AFF3: variants seen among roughly 807,000 people sequenced by gnomAD.
AFF3 encodes ALF transcription elongation factor 3, also known as AF4/FMR2 family member 3.
AFF3 carries 32 observed loss-of-function variants against 129.7 expected under a neutral mutation model. That is an observed-to-expected ratio of 0.25 (90% CI 0.19 to 0.33). AFF3 has a LOEUF of 0.33. Ranked by LOEUF, AFF3 falls within the 10% of genes least tolerant of loss-of-function variation. AFF3 has a pLI of 1.00. For missense variants in AFF3, 1,373 were observed against 1,592.0 expected, an observed-to-expected ratio of 0.86 and a Z score of 2.34; for synonymous variants, 644 against 635.4, an observed-to-expected ratio of 1.01 and a Z score of -0.20.
intron 7 of AFF3, among the ~76,000 whole-genome samples, chr2:99,843,999 C>T (rs182248857): frequency 1.3e-5 from 2 of 151,936 alleles, no homozygotes; most frequent in Non-Finnish European, 2.9e-5. Context: ...CACTGCACTC[C>T]AGCCTGGATG....
chr2:99,998,192 T>G (rs1400413779), intron 7 of AFF3, among the ~76,000 whole-genome samples: 1 of 152,150 alleles, frequency 6.6e-6, no homozygotes, highest in African/African-American at 2.4e-5. Context: ...TCATCAAAGA[T>G]GGATGAAAAT....
intron 18 of AFF3, among the ~76,000 whole-genome samples, chr2:99,576,694 G>C (rs1677033283): frequency 6.6e-6 from 1 of 152,176 alleles, no homozygotes; most frequent in South Asian, 2.1e-4. Context: ...CCCACTGCAA[G>C]TATGCGGTGG....
At position 100,034,123 on chromosome 2, in the gene AFF3, T is replaced by C. The variant is rs919870126; in HGVS notation, c.54-25191A>G. ...GCAAGTAGCTTAAAAACTGACATAT[T>C]AGCATTGACAAAAGGATTGCTCTAT... On this transcript the variant is annotated intron_variant, in intron 4 of 24. Transcript: ENST00000672756. Among the ~76,000 whole-genome samples the C allele has an allele frequency of 3.3e-5, 5 of 152,208 alleles. No individual in the cohort carries two copies. In the South Asian group the frequency reaches 1.0e-3, roughly 31 times the overall value.
chr2:99,696,301 T>TA (rs1438970148), intron 11 of AFF3, among the ~76,000 whole-genome samples: 1 of 152,194 alleles, frequency 6.6e-6, no homozygotes, highest in Non-Finnish European at 1.5e-5. Context: ...CATGGCACGT[T>TA]AGAGCATCAA....
intron 4 of AFF3, among the ~76,000 whole-genome samples, chr2:100,087,468 T>G (rs1288912459): frequency 2.0e-5 from 3 of 152,066 alleles, no homozygotes; most frequent in African/African-American, 7.2e-5. Context: ...TGAGAATTTC[T>G]TAAGCAGGTG....
At chr2:99,874,185 C>T (rs28391205) in intron 7 of AFF3, among the ~76,000 whole-genome samples, 1 of 151,962 alleles carries the variant, frequency 6.6e-6, no homozygotes, top group African/African-American at 2.4e-5. Flanking sequence ...TCAAAAAAAA[C>T]AAAAAACTCT....
intron 11 of AFF3, among the ~76,000 whole-genome samples, chr2:99,723,496 T>C (rs17435971): frequency 0.011 from 1,740 of 152,280 alleles, 8 homozygotes; most frequent in Middle Eastern, 0.024. Flanking sequence ...CACCACACCA[T>C]GAATATGAGA....
chr2:99,757,406 G>C (rs1682202375), intron 8 of AFF3, among the ~76,000 whole-genome samples: 1 of 152,116 alleles, frequency 6.6e-6, no homozygotes, highest in Non-Finnish European at 1.5e-5. Flanking sequence ...AGCATACCTG[G>C]AGTTATGCCA....
In AFF3 at chr2:99,930,301, A is replaced by C. The variant is rs140909515; in HGVS notation, c.873+76331T>G. Reference sequence around the variant, plus strand: ...TCCAAGAAATGTGAATTCCAAGGACAAGGTAGCCCTGAAATGCCTGCCTCA... The same window carrying C: ...TCCAAGAAATGTGAATTCCAAGGACCAGGTAGCCCTGAAATGCCTGCCTCA... On this transcript the variant is annotated intron_variant, in intron 7 of 24. Transcript: ENST00000672756. Among the ~76,000 whole-genome samples the C allele has an allele frequency of 5.9e-5, 9 of 152,288 alleles. 1 individual carries two copies. In the East Asian group the frequency reaches 1.7e-3, roughly 29 times the overall value.
intron 11 of AFF3, among the ~76,000 whole-genome samples, chr2:99,687,425 G>A (rs1257705555): frequency 6.6e-6 from 1 of 152,182 alleles, no homozygotes; most frequent in African/African-American, 2.4e-5. Context: ...TTTATCAAAT[G>A]AGCCAGGTGG....
intron 7 of AFF3, among the ~76,000 whole-genome samples, chr2:99,937,405 T>G (rs1674614864): frequency 1.3e-5 from 2 of 152,160 alleles, no homozygotes; most frequent in East Asian, 1.9e-4. Flanking sequence ...TGAAGGATTT[T>G]TTTTTCTTTT....
intron 13 of AFF3, among the ~76,000 whole-genome samples, chr2:99,612,136 A>C (rs139003246): frequency 0.011 from 1,751 of 152,266 alleles, 20 homozygotes; most frequent in South Asian, 0.03. Flanking sequence ...TTTTATATGT[A>C]ACATCCATGG....
chr2:99,938,670 C>T (rs1674746321), intron 7 of AFF3, among the ~76,000 whole-genome samples: 1 of 152,126 alleles, frequency 6.6e-6, no homozygotes, highest in Admixed American at 6.5e-5. Context: ...GACTGAGGCC[C>T]TCAGGGAAGA....
chr2:100,029,893 T>C (rs938046831), intron 4 of AFF3, among the ~76,000 whole-genome samples: 5 of 152,036 alleles, frequency 3.3e-5, no homozygotes, highest in African/African-American at 1.2e-4. Context: ...GGCGAAACGC[T>C]GACTCTACTA....
chr2:99,752,135 A>C (rs1681709454), intron 9 of AFF3, 86 bp downstream of exon 9: 2 of 1,224,474 alleles, frequency 1.6e-6, no homozygotes, highest in Non-Finnish European at 2.4e-6. Context: ...TTACAGAAGA[A>C]AAGACAATCA....
intron 7 of AFF3, among the ~76,000 whole-genome samples, chr2:99,991,776 A>G (rs1487652362): frequency 6.6e-6 from 1 of 151,988 alleles, no homozygotes; most frequent in Non-Finnish European, 1.5e-5. Flanking sequence ...GGTGGCGCAT[A>G]CCTGTAACCC....
intron 13 of AFF3, among the ~76,000 whole-genome samples, chr2:99,620,679 C>T (rs1681911635): frequency 6.6e-6 from 1 of 151,958 alleles, no homozygotes; most frequent in South Asian, 2.1e-4. Context: ...GGATATTTGT[C>T]CTGTCCAAAT....
intron 4 of AFF3, among the ~76,000 whole-genome samples, chr2:100,035,690 G>A (rs1684841931): frequency 1.3e-5 from 2 of 152,208 alleles, no homozygotes; most frequent in East Asian, 3.9e-4. Flanking sequence ...AGCAGTGTTT[G>A]CAAAACTGTG....
chr2:99,653,528 AAAAC>A (rs1301582797), intron 12 of AFF3, among the ~76,000 whole-genome samples: 7 of 152,246 alleles, frequency 4.6e-5, no homozygotes, highest in African/African-American at 1.7e-4. Context: ...AAGCGAAAGG[AAAAC>A]AAACAAACAA....
Sources: allele counts gnomAD v4.1 joint callset (sites outside exome capture counted in the v4.1 genomes callset), GRCh38; gene constraint gnomAD v4.1.1; transcripts MANE v1.5; gene names NCBI Gene and HGNC (gene_info 2026-07-23, HGNC 2026-07-21).